The following GRIN2A variants were observed in gnomAD, a reference collection of about 807,000 sequenced individuals.
GRIN2A encodes glutamate receptor ionotropic, NMDA 2A.
A neutral mutation model predicts 113.4 loss-of-function variants in GRIN2A; 22 were observed. The ratio of observed to expected loss-of-function variants is 0.19; its 90% CI spans 0.14 to 0.28. The LOEUF (loss-of-function observed/expected upper bound fraction) is 0.28, where lower values mean the gene tolerates loss of function less well. Among genes scored for constraint, GRIN2A ranks in the 10% least tolerant of loss-of-function variants. The pLI, the probability that GRIN2A is intolerant of heterozygous loss-of-function variation, is 1.00. For missense variants in GRIN2A, 1,502 were observed against 1,887.0 expected (o/e 0.80, Z 3.78); for synonymous variants, 827 against 738.4 (o/e 1.12, Z -1.94).
At chr16:9,783,309 A>T (rs762141830) in intron 11 of GRIN2A, among the ~76,000 whole-genome samples, 1 of 152,240 alleles carries the variant, frequency 6.6e-6, no homozygotes, top group African/African-American at 2.4e-5. Context: ...ATTGCGTCCA[A>T]ATCTAGTTCC....
chr16:10,085,149 G>C (rs542104506), intron 2 of GRIN2A, among the ~76,000 whole-genome samples: 6 of 152,204 alleles, frequency 3.9e-5, no homozygotes, highest in Non-Finnish European at 8.8e-5. Flanking sequence ...GTCAACTGAA[G>C]AAACACGAGG....
chr16:9,899,260 G>T (rs1185464665), intron 3 of GRIN2A, among the ~76,000 whole-genome samples: 1 of 151,794 alleles, frequency 6.6e-6, no homozygotes, highest in Non-Finnish European at 1.5e-5. Flanking sequence ...CCAACATGGT[G>T]AAACTCCATC....
At chr16:9,822,240 T>C in intron 10 of GRIN2A, 24 bp downstream of exon 10, 1 of 1,612,124 alleles carries the variant, frequency 6.2e-7, no homozygotes, top group Non-Finnish European at 8.5e-7. Context: ...AGACCTGTGG[T>C]GAAAAGGAAA....
chr16:10,005,791 C>T (rs2046395406), intron 2 of GRIN2A, among the ~76,000 whole-genome samples: 1 of 152,196 alleles, frequency 6.6e-6, no homozygotes, highest in Non-Finnish European at 1.5e-5. Context: ...AAGTACTTTT[C>T]ACTTTTTAAA....
chr16:9,949,651 AGATGGACAGATG>A (rs955436575), intron 2 of GRIN2A, among the ~76,000 whole-genome samples: 3 of 151,008 alleles, frequency 2.0e-5, no homozygotes, highest in African/African-American at 4.9e-5. Flanking sequence ...TGGGATAAAC[AGATGGACAGATG>A]GATGGACAGA....
intron 5 of GRIN2A, among the ~76,000 whole-genome samples, chr16:9,843,607 T>C (rs538066718): frequency 4.1e-4 from 62 of 152,336 alleles, no homozygotes; most frequent in African/African-American, 1.5e-3. Flanking sequence ...CTCTTCACCA[T>C]TGTATCCCAC....
chr16:9,936,418 C>T (rs886942404), intron 3 of GRIN2A, among the ~76,000 whole-genome samples: 9 of 152,232 alleles, frequency 5.9e-5, no homozygotes, highest in African/African-American at 1.2e-4. Context: ...AGAAAGTGGA[C>T]GAGACAAGCT....
intron 2 of GRIN2A, among the ~76,000 whole-genome samples, chr16:10,012,061 A>C (rs934037616): frequency 1.3e-5 from 2 of 151,690 alleles, no homozygotes; most frequent in Admixed American, 6.6e-5. Context: ...CTTGGAAATG[A>C]TTTTGGCTTT....
chr16:9,850,538 G>A (rs2042865004), intron 4 of GRIN2A, among the ~76,000 whole-genome samples: 1 of 152,114 alleles, frequency 6.6e-6, no homozygotes, highest in African/African-American at 2.4e-5. Context: ...GAAGAAAAAG[G>A]TGCTAAGATG....
intron 2 of GRIN2A, among the ~76,000 whole-genome samples, chr16:9,946,439 C>A (rs2045019447): frequency 6.6e-6 from 1 of 152,210 alleles, no homozygotes; most frequent in African/African-American, 2.4e-5. Flanking sequence ...CAAGTCCCAA[C>A]TGTGACTGGG....
At chr16:9,797,283 T>C (rs1311947361) in intron 11 of GRIN2A, among the ~76,000 whole-genome samples, 1 of 152,188 alleles carries the variant, frequency 6.6e-6, no homozygotes, top group African/African-American at 2.4e-5. Flanking sequence ...CCGAGCTCAT[T>C]TTTGGTGTTA....
chr16:10,153,040 C>G (rs907805285), intron 2 of GRIN2A, among the ~76,000 whole-genome samples: 1 of 152,056 alleles, frequency 6.6e-6, no homozygotes, highest in Non-Finnish European at 1.5e-5. Context: ...TGTTCAAACC[C>G]ATAGAATGTA....
chr16:10,152,335 C>T lies in GRIN2A; in HGVS notation c.414+27663G>A, dbSNP rs536396009. 3.3e-5 allele frequency among the ~76,000 whole-genome samples: 5 copies of T among 152,314 alleles called. No homozygotes were observed. In the South Asian group the frequency reaches 6.2e-4, roughly 19 times the overall value. ...TACGCACCATGTACTTGGCCACCTA[C>T]GTGTCTTTATTCATGCTGTTTTCTC... On this transcript the variant is annotated intron_variant, in intron 2 of 12. Transcript: ENST00000330684.
At chr16:10,112,429 C>A in intron 2 of GRIN2A, 2 of 743,202 alleles carry the variant, frequency 2.7e-6, no homozygotes, top group Non-Finnish European at 2.5e-6. Context: ...TACAAGGTGG[C>A]CAAGTACGCT....
chr16:9,944,642 T>A (rs1354896606), intron 2 of GRIN2A, among the ~76,000 whole-genome samples: 1 of 152,096 alleles, frequency 6.6e-6, no homozygotes, highest in Admixed American at 6.6e-5. Flanking sequence ...GGTGTGAATC[T>A]TGCATGTCCT....
intron 2 of GRIN2A, among the ~76,000 whole-genome samples, chr16:10,082,919 C>G (rs1182554023): frequency 7.1e-6 from 1 of 141,672 alleles, no homozygotes; most frequent in African/African-American, 2.6e-5. Context: ...CAAAACCTAA[C>G]TGGCCCATTT....
intron 2 of GRIN2A, among the ~76,000 whole-genome samples, chr16:10,080,911 C>T (rs951516858): frequency 2.0e-5 from 3 of 152,148 alleles, no homozygotes; most frequent in African/African-American, 7.2e-5. Flanking sequence ...CCTTCATTCC[C>T]GTCTCAAATG....
At chr16:10,098,833 A>T (rs1026311645) in intron 2 of GRIN2A, among the ~76,000 whole-genome samples, 3 of 152,084 alleles carry the variant, frequency 2.0e-5, no homozygotes, top group African/African-American at 7.2e-5. Context: ...ATAAAAGACT[A>T]CAAATTGGAT....
chr16:9,994,079 A>G (rs1459656333), intron 2 of GRIN2A, among the ~76,000 whole-genome samples: 1 of 152,226 alleles, frequency 6.6e-6, no homozygotes, highest in Admixed American at 6.5e-5. Context: ...CCTCCATGTT[A>G]TCATCTTACA....
Sources: allele counts gnomAD v4.1 joint callset (sites outside exome capture counted in the v4.1 genomes callset), GRCh38; gene constraint gnomAD v4.1.1; transcripts MANE v1.5; gene names NCBI Gene and HGNC (gene_info 2026-07-23, HGNC 2026-07-21).